Variants in PHACTR1 observed in about 807,000 individuals in gnomAD.
PHACTR1 encodes the protein phosphatase and actin regulator 1.
PHACTR1 carries 16 observed loss-of-function variants against 69.2 expected under a neutral mutation model. That is an observed-to-expected ratio of 0.23 (90% CI 0.16 to 0.35). The LOEUF is 0.35. PHACTR1 is among the 10% of genes least tolerant of loss of function. The pLI is 1.00. For missense variants in PHACTR1, 510 were observed against 734.7 expected (o/e 0.69, Z 3.54); for synonymous variants, 312 against 284.5 (o/e 1.10, Z -0.97).
At chr6:13,127,232 A>G (rs976936625) in intron 5 of PHACTR1, among the ~76,000 whole-genome samples, 4 of 152,194 alleles carry the variant, frequency 2.6e-5, no homozygotes, top group Non-Finnish European at 4.4e-5. Context: ...TGGTGTAAGA[A>G]GGGCATCTTT....
At chr6:12,855,310 G>T (rs7454135) in intron 4 of PHACTR1, among the ~76,000 whole-genome samples, 76,571 of 151,940 alleles carry the variant, frequency 0.5, 21,302 homozygotes, top group East Asian at 0.81. Context: ...AGACTAGCTG[G>T]ATGTGGTGGT....
intron 4 of PHACTR1, among the ~76,000 whole-genome samples, chr6:12,883,694 T>C (rs1425384310): frequency 1.3e-5 from 2 of 152,234 alleles, no homozygotes; most frequent in East Asian, 3.9e-4. Flanking sequence ...TCCCTGCGGG[T>C]CTGAGAGCTG....
chr6:13,060,627 C>T (rs893935001), intron 5 of PHACTR1, among the ~76,000 whole-genome samples: 2 of 152,132 alleles, frequency 1.3e-5, no homozygotes, highest in Non-Finnish European at 2.9e-5. Flanking sequence ...GAAGCTGCAG[C>T]AGTAGACAGA....
intron 10 of PHACTR1, among the ~76,000 whole-genome samples, chr6:13,254,920 C>T (rs1774970508): frequency 6.6e-6 from 1 of 152,192 alleles, no homozygotes; most frequent in Non-Finnish European, 1.5e-5. Context: ...GACATAAATT[C>T]TGAACTGAGA....
intron 4 of PHACTR1, among the ~76,000 whole-genome samples, chr6:12,811,459 A>G (rs1266594787): frequency 1.3e-5 from 2 of 152,216 alleles, no homozygotes; most frequent in Non-Finnish European, 2.9e-5. Flanking sequence ...TGGAAATGCT[A>G]TATATCTTGA....
intron 6 of PHACTR1, among the ~76,000 whole-genome samples, chr6:13,170,906 A>T (rs1177302904): frequency 1.3e-5 from 2 of 152,138 alleles, no homozygotes; most frequent in Admixed American, 6.5e-5. Flanking sequence ...CAACCGGGTG[A>T]TCCTCCTAGA....
At chr6:13,268,324 T>C (rs1015959830) in intron 10 of PHACTR1, among the ~76,000 whole-genome samples, 18 of 152,146 alleles carry the variant, frequency 1.2e-4, no homozygotes, top group African/African-American at 3.9e-4. Flanking sequence ...TAGAGTCAAA[T>C]CCAGTGCACC....
At chr6:13,156,362 G>GC (rs1278841753) in intron 5 of PHACTR1, among the ~76,000 whole-genome samples, 1 of 152,224 alleles carries the variant, frequency 6.6e-6, no homozygotes, top group Non-Finnish European at 1.5e-5. Flanking sequence ...TGGTGATGGA[G>GC]CAGGAGTATT....
At chr6:12,944,871 C>T (rs879271831) in intron 4 of PHACTR1, among the ~76,000 whole-genome samples, 6 of 151,786 alleles carry the variant, frequency 4.0e-5, no homozygotes, top group Non-Finnish European at 2.9e-5. Flanking sequence ...CGAGCTCCGC[C>T]TCCCGGGTTC....
intron 5 of PHACTR1, among the ~76,000 whole-genome samples, chr6:13,154,482 A>T (rs184367297): frequency 2.0e-5 from 3 of 152,222 alleles, no homozygotes; most frequent in Admixed American, 6.5e-5. Flanking sequence ...ATAACTGTAT[A>T]ATATCAGAGT....
chr6:12,809,637 T>G (rs1334474834), intron 4 of PHACTR1, among the ~76,000 whole-genome samples: 1 of 152,246 alleles, frequency 6.6e-6, no homozygotes, highest in African/African-American at 2.4e-5. Flanking sequence ...TAAAAAATTC[T>G]ATTTACTTCT....
chr6:12,874,111 G>A (rs376836466), intron 4 of PHACTR1, among the ~76,000 whole-genome samples: 5 of 152,174 alleles, frequency 3.3e-5, no homozygotes, highest in Non-Finnish European at 5.9e-5. Flanking sequence ...GTTTAAATGC[G>A]GATTGTGATT....
At chr6:13,086,083 T>TAAAAAAAAAAAAAAAAAAAA (rs776154642) in intron 5 of PHACTR1, among the ~76,000 whole-genome samples, 4 of 60,282 alleles carry the variant, frequency 6.6e-5, no homozygotes, top group South Asian at 5.7e-4. Flanking sequence ...TACACATTTC[T>TAAAAAAAAAAAAAAAAAAAA]AAAAAAAAAA....
At chr6:13,228,146 C>G in intron 9 of PHACTR1, 83 bp downstream of exon 9, 2 of 1,487,412 alleles carry the variant, frequency 1.3e-6, no homozygotes, top group Non-Finnish European at 1.8e-6. Context: ...AGCAGCCCAG[C>G]AGTCTGGGTT....
At chr6:12,807,792 A>C (rs1339438856) in intron 4 of PHACTR1, among the ~76,000 whole-genome samples, 1 of 152,166 alleles carries the variant, frequency 6.6e-6, no homozygotes, top group African/African-American at 2.4e-5. Flanking sequence ...GCTTCCTTAC[A>C]TCCATTCTTG....
chr6:12,764,082 T>C (rs932019504), intron 4 of PHACTR1, among the ~76,000 whole-genome samples: 4 of 152,114 alleles, frequency 2.6e-5, no homozygotes, highest in Non-Finnish European at 4.4e-5. Context: ...AAATCACATG[T>C]TGTAATGAAA....
chr6:13,075,677 AG>A (rs1561793787), intron 5 of PHACTR1, among the ~76,000 whole-genome samples: 1 of 152,146 alleles, frequency 6.6e-6, no homozygotes, highest in Non-Finnish European at 1.5e-5. Context: ...GCTTTCTGAA[AG>A]GGAAATACAC....
chr6:12,858,667 G>T (rs1448154104), intron 4 of PHACTR1, among the ~76,000 whole-genome samples: 3 of 152,068 alleles, frequency 2.0e-5, no homozygotes, highest in African/African-American at 4.8e-5. Context: ...ATGGTGGTGT[G>T]TGCCTATAGT....
chr6:12,735,233 G>T (rs568701240), intron 3 of PHACTR1, among the ~76,000 whole-genome samples: 2 of 151,988 alleles, frequency 1.3e-5, no homozygotes, highest in Non-Finnish European at 2.9e-5. Context: ...TCTCCATCAC[G>T]TTGCAACTGA....
Sources: allele counts gnomAD v4.1 joint callset (sites outside exome capture counted in the v4.1 genomes callset), GRCh38; gene constraint gnomAD v4.1.1; transcripts MANE v1.5; gene names NCBI Gene and HGNC (gene_info 2026-07-23, HGNC 2026-07-21).